LRRN3: variants seen among roughly 807,000 people sequenced by gnomAD.
LRRN3 encodes the protein leucine rich repeat neuronal 3.
In LRRN3, 15 loss-of-function variants were observed where a neutral mutation model predicts 40.1. That is an observed-to-expected ratio of 0.37 (90% CI 0.25 to 0.58). The LOEUF (loss-of-function observed/expected upper bound fraction) is 0.58, where lower values mean the gene tolerates loss of function less well. Among genes scored for constraint, LRRN3 ranks in the 20% least tolerant of loss-of-function variants. LRRN3 has a pLI of 0.72. For synonymous variants in LRRN3, 308 were observed against 297.2 expected (o/e 1.04, Z -0.37); for missense variants, 746 against 837.7 (o/e 0.89, Z 1.35).
At chr7:111,110,079 A>T (rs1586331025) in intron 2 of LRRN3, among the ~76,000 whole-genome samples, 1 of 152,224 alleles carries the variant, frequency 6.6e-6, no homozygotes, top group East Asian at 1.9e-4. Context: ...AGGTTGCAGT[A>T]AGCTGAGATC....
intron 2 of LRRN3, among the ~76,000 whole-genome samples, chr7:111,103,646 A>T (rs2129580749): frequency 6.6e-6 from 1 of 151,826 alleles, no homozygotes; most frequent in Middle Eastern, 3.4e-3. Flanking sequence ...AAGTTACAGC[A>T]AATTCTAATG....
chr7:111,099,442 CT>C (rs1797739580), intron 1 of LRRN3, among the ~76,000 whole-genome samples: 1 of 151,690 alleles, frequency 6.6e-6, no homozygotes, highest in Non-Finnish European at 1.5e-5. Flanking sequence ...CTGTAATTTG[CT>C]TTTCAAACTG....
At chr7:111,092,705 T>C (rs192179915) in intron 1 of LRRN3, among the ~76,000 whole-genome samples, 23 of 152,306 alleles carry the variant, frequency 1.5e-4, no homozygotes, top group Admixed American at 1.4e-3. Flanking sequence ...TAATTTTTAC[T>C]TCCAATCTTG....
At chr7:111,121,482 A>C (rs975881295) in intron 2 of LRRN3, among the ~76,000 whole-genome samples, 1 of 152,172 alleles carries the variant, frequency 6.6e-6, no homozygotes, top group East Asian at 1.9e-4. Context: ...TGAAAAAATG[A>C]TCATCATCAC....
chr7:111,094,800 G>A (rs1797234664), intron 1 of LRRN3, among the ~76,000 whole-genome samples: 1 of 152,102 alleles, frequency 6.6e-6, no homozygotes, highest in Non-Finnish European at 1.5e-5. Flanking sequence ...GAAAGGAAAG[G>A]AAGTCAAATT....
chr7:111,113,883 C>A (rs747600458), intron 2 of LRRN3, among the ~76,000 whole-genome samples: 2 of 152,114 alleles, frequency 1.3e-5, no homozygotes, highest in Non-Finnish European at 2.9e-5. Flanking sequence ...GGAACTAAAT[C>A]ATAAGAATGA....
At chr7:111,117,748 A>G (rs1800061470) in intron 2 of LRRN3, among the ~76,000 whole-genome samples, 1 of 152,118 alleles carries the variant, frequency 6.6e-6, no homozygotes, top group Admixed American at 6.5e-5. Flanking sequence ...AGTTCTTTAT[A>G]CAAATGAACT....
chr7:111,111,921 TTA>T (rs140449960), intron 2 of LRRN3, among the ~76,000 whole-genome samples: 2 of 144,082 alleles, frequency 1.4e-5, no homozygotes, highest in Non-Finnish European at 3.0e-5. Flanking sequence ...TATATTTTAT[TTA>T]TATATATATA....
chr7:111,105,946 TC>T (rs1391271539), intron 2 of LRRN3, among the ~76,000 whole-genome samples: 14 of 151,858 alleles, frequency 9.2e-5, no homozygotes, highest in Non-Finnish European at 1.9e-4. Context: ...ATACACAACA[TC>T]TCAATTCCTA....
chr7:111,110,028 A>G (rs563884370), intron 2 of LRRN3, among the ~76,000 whole-genome samples: 18 of 152,252 alleles, frequency 1.2e-4, no homozygotes, highest in Admixed American at 4.6e-4. Flanking sequence ...CAAGCTACTC[A>G]GGAGGCTGAG....
At chr7:111,117,670 A>G (rs1001155761) in intron 2 of LRRN3, among the ~76,000 whole-genome samples, 1 of 152,128 alleles carries the variant, frequency 6.6e-6, no homozygotes, top group African/African-American at 2.4e-5. Context: ...ACCTTCAATT[A>G]GAACTAAAGA....
intron 2 of LRRN3, among the ~76,000 whole-genome samples, chr7:111,104,036 G>A (rs1453667532): frequency 1.3e-5 from 2 of 151,690 alleles, no homozygotes; most frequent in African/African-American, 4.8e-5. Flanking sequence ...TAATATGTGT[G>A]TGAAATGAAA....
intron 2 of LRRN3, among the ~76,000 whole-genome samples, chr7:111,104,324 C>T (rs1323589034): frequency 6.6e-6 from 1 of 151,674 alleles, no homozygotes; most frequent in Non-Finnish European, 1.5e-5. Flanking sequence ...TTCTGTAATC[C>T]ACAGTTCAAA....
chr7:111,108,644 T>C (rs1475612484), intron 2 of LRRN3, among the ~76,000 whole-genome samples: 1 of 152,162 alleles, frequency 6.6e-6, no homozygotes, highest in East Asian at 1.9e-4. Context: ...GATTTAATTA[T>C]ACCCTTCTAA....
At chr7:111,113,618 T>TA (rs973765692) in intron 2 of LRRN3, among the ~76,000 whole-genome samples, 1 of 151,338 alleles carries the variant, frequency 6.6e-6, no homozygotes, top group East Asian at 1.9e-4. Context: ...TATCTTCCAA[T>TA]AAAAAAATGA....
At chr7:111,117,718 T>C (rs960912540) in intron 2 of LRRN3, among the ~76,000 whole-genome samples, 1 of 152,078 alleles carries the variant, frequency 6.6e-6, no homozygotes, top group Admixed American at 6.5e-5. Flanking sequence ...TGAAGTTAGA[T>C]AGTGGGAGAA....
intron 2 of LRRN3, among the ~76,000 whole-genome samples, chr7:111,113,313 A>C (rs572252493): frequency 3.9e-5 from 6 of 152,204 alleles, no homozygotes; most frequent in Non-Finnish European, 8.8e-5. Context: ...CTTTTACAGC[A>C]TATCTATGCT....
chr7:111,106,453 A>G (rs1798557782), intron 2 of LRRN3, among the ~76,000 whole-genome samples: 1 of 151,914 alleles, frequency 6.6e-6, no homozygotes, highest in Non-Finnish European at 1.5e-5. Flanking sequence ...TAAGAAAAAC[A>G]GTCCAATTAA....
rs374116895 is a variant in LRRN3 at position 111,095,635 on chromosome 7, C to T, written c.-441+4131C>T. 2.8e-4 allele frequency among the ~76,000 whole-genome samples: 42 copies of T among 152,042 alleles called. 1 individual carries two copies. Among genetic ancestry groups the T allele is most frequent in the East Asian group, 7.7e-4 (4 of 5,174 alleles). ...TTAGAGTTTTGCCCTGTTTTTAAAA[C>T]ATGTTAATAATAATACTGCTATCCT... On this transcript the variant is annotated intron_variant, in intron 1 of 2. Transcript: ENST00000308478.
Sources: allele counts gnomAD v4.1 joint callset (sites outside exome capture counted in the v4.1 genomes callset), GRCh38; gene constraint gnomAD v4.1.1; transcripts MANE v1.5; gene names NCBI Gene and HGNC (gene_info 2026-07-23, HGNC 2026-07-21).